The following ZNF536 variants were observed in gnomAD, a reference collection of about 807,000 sequenced individuals.
ZNF536 encodes zinc finger protein 536.
In ZNF536, 13 loss-of-function variants were observed where a neutral mutation model predicts 84.5. The ratio of observed to expected loss-of-function variants is 0.15; its 90% CI spans 0.10 to 0.24. The LOEUF is 0.24. Ranked by LOEUF, ZNF536 falls within the 10% of genes least tolerant of loss-of-function variation. The pLI is 1.00. For synonymous variants in ZNF536, 811 were observed against 742.5 expected (o/e 1.09, Z -1.50); for missense variants, 1,536 against 1,747.5 (o/e 0.88, Z 2.16).
intron 1 of ZNF536, among the ~76,000 whole-genome samples, chr19:30,244,338 C>T (rs939583071): frequency 6.6e-6 from 1 of 152,076 alleles, no homozygotes; most frequent in African/African-American, 2.4e-5. Context: ...ACATTAAGGC[C>T]AAATTCCATC....
chr19:30,232,636 A>G (rs1006034223), intron 1 of ZNF536, among the ~76,000 whole-genome samples: 4 of 152,216 alleles, frequency 2.6e-5, no homozygotes, highest in Admixed American at 6.5e-5. Flanking sequence ...AGTTTTTGCT[A>G]CTATAAGCAG....
chr19:30,439,959 C>CTTTTTTTTTTTTTTTTTTTTTTTTTTTT (rs199638233), intron 1 of ZNF536, among the ~76,000 whole-genome samples: 3 of 96,394 alleles, frequency 3.1e-5, no homozygotes, highest in African/African-American at 9.0e-5. Flanking sequence ...TTCTTTCTTT[C>CTTTTTTTTTTTTTTTTTTTTTTTTTTTT]TTTTTTTTTT....
intron 1 of ZNF536, among the ~76,000 whole-genome samples, chr19:30,435,250 A>C (rs1395971213): frequency 1.9e-5 from 2 of 105,326 alleles, no homozygotes; most frequent in East Asian, 6.5e-4. Flanking sequence ...TGATGGTGAT[A>C]ATGGTGGTAA....
downstream of ZNF536, among the ~76,000 whole-genome samples, chr19:30,561,411 A>T (rs1269180190): frequency 6.6e-6 from 1 of 152,120 alleles, no homozygotes; most frequent in Non-Finnish European, 1.5e-5. Context: ...CTTTCTTGTC[A>T]AGTAGAGGGG....
chr19:30,701,850 C>G lies in ZNF536; in HGVS notation c.170-8907C>G, dbSNP rs545465135. 2.2e-4 allele frequency among the ~76,000 whole-genome samples: 34 copies of G among 152,328 alleles called. No homozygotes were observed. In the South Asian group the frequency reaches 3.5e-3, roughly 16 times the overall value. ...GTGGGAAGACATCCCTCTGCCATAT[C>G]TCCCTACTGACAGTCATGAGGACCA... On this transcript the variant is annotated intron_variant, in intron 1 of 1. Transcript: ENST00000592773.
intron 1 of ZNF536, among the ~76,000 whole-genome samples, chr19:30,583,031 G>T (rs2046979092): frequency 6.6e-6 from 1 of 152,134 alleles, no homozygotes; most frequent in South Asian, 2.1e-4. Flanking sequence ...CCAAAGTCCT[G>T]GGATTACAAG....
intron 3 of ZNF536, among the ~76,000 whole-genome samples, chr19:30,365,180 T>A (rs2048386909): frequency 6.6e-6 from 1 of 152,216 alleles, no homozygotes; most frequent in Non-Finnish European, 1.5e-5. Context: ...ATTTTAAAAT[T>A]TTTCTTCCTG....
chr19:30,633,492 C>T (rs1352787247), intron 1 of ZNF536, among the ~76,000 whole-genome samples: 1 of 152,100 alleles, frequency 6.6e-6, no homozygotes, highest in South Asian at 2.1e-4. Context: ...CCATGTAATG[C>T]AATTGATCTA....
chr19:30,654,881 A>T (rs1282210386), intron 1 of ZNF536, among the ~76,000 whole-genome samples: 1 of 146,396 alleles, frequency 6.8e-6, no homozygotes, highest in Non-Finnish European at 1.5e-5. Context: ...TACAGCGTTG[A>T]CTTTCTTTAT....
Position 30,446,248 on chromosome 19 carries a change from C to CAAAAAAAA in ZNF536, c.2170+535_2170+542dup, listed in dbSNP as rs1177505634. On this transcript the variant is annotated intron_variant, in intron 2 of 4. Transcript: ENST00000355537. ...TGAGCGACAGAGTGAGACACTGTCT[C>CAAAAAAAA]AAAAAAAAAAAAAAAAAAAAAAAAA... Among the ~76,000 whole-genome samples, 123 of 29,014 alleles carry CAAAAAAAA rather than the reference C, an allele frequency of 4.2e-3. 1 individual carries two copies. The highest frequency in any genetic ancestry group is 5.0e-3 in the Non-Finnish European group (87 of 17,552). 19.0% of individuals were successfully genotyped at this position (29,014 alleles called of 152,430 possible). A position where few individuals can be genotyped will look rare whatever the true frequency, so the allele number is the denominator to read the frequency against.
chr19:30,578,220 TCA>T (rs1448392915), intron 1 of ZNF536, among the ~76,000 whole-genome samples: 2 of 152,168 alleles, frequency 1.3e-5, no homozygotes. Context: ...CCCGGCAATT[TCA>T]GATTAAAGAA....
chr19:30,545,329 C>T (rs2045499295), intron 3 of ZNF536, among the ~76,000 whole-genome samples: 1 of 151,362 alleles, frequency 6.6e-6, no homozygotes, highest in Non-Finnish European at 1.5e-5. Context: ...TCTTACCACA[C>T]TCCCCTGGTG....
chr19:30,483,379 G>T (rs1425817896), intron 2 of ZNF536, among the ~76,000 whole-genome samples: 2 of 152,044 alleles, frequency 1.3e-5, no homozygotes, highest in Admixed American at 6.6e-5. Context: ...GTTTCCTTCA[G>T]GTGTCCCATT....
chr19:30,556,574 A>G (rs1362259789), intron 4 of ZNF536: 4 of 152,276 alleles, frequency 2.6e-5, no homozygotes, highest in Admixed American at 2.6e-4. Context: ...AGGATGACAG[A>G]ACTGTTGTGT....
At chr19:30,507,113 G>C (rs1320886743) in intron 2 of ZNF536, among the ~76,000 whole-genome samples, 1 of 152,188 alleles carries the variant, frequency 6.6e-6, no homozygotes, top group Non-Finnish European at 1.5e-5. Context: ...TATAATCCCA[G>C]CACTTCAGGA....
In ZNF536 at chr19:30,455,552, A is replaced by C. The variant is rs1245601666; in HGVS notation, c.2170+9820A>C. Among the ~76,000 whole-genome samples, 4 of 152,090 alleles carry C rather than the reference A, an allele frequency of 2.6e-5. No homozygotes were observed. The East Asian group carries it at 7.7e-4, about 29-fold the overall frequency. ...CCCTGTCTCTACAAAAAATACAAAA[A>C]TTAGCCAGAGCGGTGGCATATGCCT... On this transcript the variant is annotated intron_variant, in intron 2 of 4. Coordinates refer to ENST00000355537, the MANE Select transcript of ZNF536 (RefSeq NM_014717.3).
Position 30,325,934 on chromosome 19 carries a change from G to A in ZNF536, c.-119-26434G>A, listed in dbSNP as rs544841751. On this transcript the variant is annotated intron_variant, in intron 2 of 5. Coordinates refer to the ZNF536 transcript ENST00000585628. ...GGAGGGGCTGCCTCTCTACTGTGGA[G>A]CCCCTCCCACACCCGCAGATGTGCA... 3.3e-4 allele frequency among the ~76,000 whole-genome samples: 50 copies of A among 152,272 alleles called. No individual in the cohort carries two copies. In the South Asian group the frequency reaches 5.6e-3, roughly 17 times the overall value.
At chr19:30,417,789 T>A (rs2050796682) in intron 1 of ZNF536, among the ~76,000 whole-genome samples, 1 of 152,208 alleles carries the variant, frequency 6.6e-6, no homozygotes, top group Non-Finnish European at 1.5e-5. Flanking sequence ...AGACAGGGTC[T>A]TGCTCTATTG....
At chr19:30,292,334 T>C (rs908231122) in intron 2 of ZNF536, among the ~76,000 whole-genome samples, 1 of 149,696 alleles carries the variant, frequency 6.7e-6, no homozygotes, top group African/African-American at 2.5e-5. Context: ...TTTTTTTTTC[T>C]CTTTTTCTTC....
Sources: gnomAD v4.1 joint callset for allele counts (sites outside exome capture counted in the v4.1 genomes callset) on GRCh38, gnomAD v4.1.1 for gene constraint, MANE v1.5 for transcripts, NCBI Gene and HGNC (gene_info 2026-07-23, HGNC 2026-07-21) for gene names.